PCDHGB1: variants seen among roughly 807,000 people sequenced by gnomAD.
PCDHGB1 encodes protocadherin gamma-B1.
A neutral mutation model predicts 56.6 loss-of-function variants in PCDHGB1; 34 were observed. That is an observed-to-expected ratio of 0.60 (90% CI 0.46 to 0.80). PCDHGB1 has a LOEUF of 0.80. PCDHGB1 is among the 30% of genes least tolerant of loss of function. PCDHGB1 has a pLI of 0.00. For synonymous variants in PCDHGB1, 561 were observed against 505.9 expected, an observed-to-expected ratio of 1.11 and a Z score of -1.46; for missense variants, 1,278 against 1,204.6, an observed-to-expected ratio of 1.06 and a Z score of -0.90.
At position 141,486,182 on chromosome 5, in the gene PCDHGB1, C is replaced by G. The variant is rs1288782056; in HGVS notation, c.2410-8625C>G. On this transcript the variant is annotated intron_variant, in intron 1 of 3. Transcript: ENST00000523390. This position sits in a 1 kb window ranked among gnomAD's most constrained non-coding sequence, Gnocchi z 5.0. ...AGCCATGGAGCAACATTGCAGCCTT[C>G]GAGTGGATCTGCTGGACGTAAATGA... 1 of 1,614,198 alleles carries G rather than the reference C, an allele frequency of 6.2e-7. No individual in the cohort carries two copies. Among genetic ancestry groups the G allele is most frequent in the Non-Finnish European group, 8.5e-7 (1 of 1,180,028 alleles).
In PCDHGB1 at chr5:141,488,435, C is replaced by T. The variant is rs111661764; in HGVS notation, c.2410-6372C>T. Among the ~76,000 whole-genome samples, 87 of 152,276 alleles carry T rather than the reference C, an allele frequency of 5.7e-4. 1 individual carries two copies. The highest frequency in any genetic ancestry group is 1.6e-3 in the African/African-American group (67 of 41,546). On this transcript the variant is annotated intron_variant, in intron 1 of 3. Transcript: ENST00000523390. ...AAGCCATCCATGCTTGGCCTCTGAC[C>T]ACCCTCCTGGGTGACCTGATTCAGC...
At position 141,477,754 on chromosome 5, in the gene PCDHGB1, C is replaced by T. The variant is rs1325020341; in HGVS notation, c.2410-17053C>T. The T allele has an allele frequency of 3.7e-6, 6 of 1,613,928 alleles. No homozygotes were observed. Among genetic ancestry groups the T allele is most frequent in the Non-Finnish European group, 5.1e-6 (6 of 1,180,046 alleles). On this transcript the variant is annotated intron_variant, in intron 1 of 3. Coordinates refer to ENST00000523390, the MANE Select transcript of PCDHGB1 (RefSeq NM_018922.3). The surrounding 1 kb of genome is among the most constrained non-coding windows in gnomAD (Gnocchi z 4.9). Reference sequence around the variant, plus strand: ...ATATCAGCGATGGGGGCACCCCGGTCCTAGCCACCAACATCAGCGTGAACA... The same window carrying T: ...ATATCAGCGATGGGGGCACCCCGGTTCTAGCCACCAACATCAGCGTGAACA...
chr5:141,388,843 G>C (rs750672396), intron 1 of PCDHGB1: 1 of 1,614,002 alleles, frequency 6.2e-7, no homozygotes, highest in Admixed American at 1.7e-5. Flanking sequence ...TTGGAAGCAA[G>C]GGACGGTGGA....
intron 1 of PCDHGB1, among the ~76,000 whole-genome samples, chr5:141,444,942 A>C (rs1272061494): frequency 6.6e-6 from 1 of 152,082 alleles, no homozygotes; most frequent in Non-Finnish European, 1.5e-5. Flanking sequence ...AGGAGGGAGG[A>C]GGATCATCTT....
chr5:141,438,619 TATATATATATATATATACAC>T (rs1310378007), intron 1 of PCDHGB1, among the ~76,000 whole-genome samples: 16 of 39,678 alleles, frequency 4.0e-4, no homozygotes, highest in African/African-American at 1.2e-3. Flanking sequence ...TATATATATA[TATATATATATATATATACAC>T]ACACACACAC....
intron 1 of PCDHGB1, among the ~76,000 whole-genome samples, chr5:141,357,904 T>C (rs1760761041): frequency 6.6e-6 from 1 of 152,222 alleles, no homozygotes; most frequent in Non-Finnish European, 1.5e-5. Flanking sequence ...AATTTCCTTT[T>C]CTGTGCTGGG....
At position 141,487,329 on chromosome 5, in the gene PCDHGB1, C is replaced by T; in HGVS notation, c.2410-7478C>T. On this transcript the variant is annotated intron_variant, in intron 1 of 3. Coordinates refer to ENST00000523390, the MANE Select transcript of PCDHGB1 (RefSeq NM_018922.3). This position sits in a 1 kb window ranked among gnomAD's most constrained non-coding sequence, Gnocchi z 5.0. Reference sequence around the variant, plus strand: ...CTACTCTCTAAGTGTCTTCGTGGGGCAGCCTGTGGAGTCACATGCTTTCCT... The same window carrying T: ...CTACTCTCTAAGTGTCTTCGTGGGGTAGCCTGTGGAGTCACATGCTTTCCT... 1 of 1,614,170 alleles carries T rather than the reference C, an allele frequency of 6.2e-7. No homozygotes were observed. The highest frequency in any genetic ancestry group is 1.1e-5 in the South Asian group (1 of 91,070).
chr5:141,394,529 C>T, intron 1 of PCDHGB1: 2 of 1,614,216 alleles, frequency 1.2e-6, no homozygotes, highest in Non-Finnish European at 8.5e-7. Flanking sequence ...CAGACGGTTC[C>T]ACTGGCGTGG....
chr5:141,433,365 A>ATCTG, intron 1 of PCDHGB1: 1 of 523,830 alleles, frequency 1.9e-6, no homozygotes, highest in East Asian at 3.1e-5. Context: ...CTGCCTATCT[A>ATCTG]TCTATCTATC....
rs1451071413 is a variant in PCDHGB1, at chr5:141,415,742, T to G, written c.2409+63073T>G. 19 of 216,608 alleles carry G rather than the reference T, an allele frequency of 8.8e-5. 1 individual carries two copies. In the Admixed American group the frequency reaches 4.5e-3, roughly 51 times the overall value. 13.4% of individuals were successfully genotyped at this position (216,608 alleles called of 1,614,324 possible). ...AGTAGAATTTGATGTTTATTAAGGT[T>G]TTTTTTTTTTTTTTTTTTTTTTTTT... On this transcript the variant is annotated intron_variant, in intron 1 of 3. Transcript: ENST00000523390.
Position 141,414,286 on chromosome 5 carries a change from G to A in PCDHGB1, c.2409+61617G>A, listed in dbSNP as rs2095728607. ...AGATTCACCTCTGGGAACAGTCGTA[G>A]CCCTTTTAAATGTGCATGATTTAGA... On this transcript the variant is annotated intron_variant, in intron 1 of 3. Coordinates refer to ENST00000523390, the MANE Select transcript of PCDHGB1 (RefSeq NM_018922.3). 1.9e-6 allele frequency: 3 copies of A among 1,613,586 alleles called. No individual in the cohort carries two copies. The highest frequency in any genetic ancestry group is 2.5e-6 in the Non-Finnish European group (3 of 1,179,770).
chr5:141,386,595 A>C (rs77368271), intron 1 of PCDHGB1, among the ~76,000 whole-genome samples: 1 of 146,110 alleles, frequency 6.8e-6, no homozygotes, highest in African/African-American at 2.5e-5. Context: ...TGGGGGATAC[A>C]TTTTTTTTTT....
chr5:141,496,160 G>C (rs1428576442), intron 2 of PCDHGB1, among the ~76,000 whole-genome samples: 2 of 151,600 alleles, frequency 1.3e-5, no homozygotes, highest in Admixed American at 6.6e-5. Flanking sequence ...CTCTCCACCA[G>C]ACACCCTCCC....
intron 1 of PCDHGB1, chr5:141,394,966 GC>G (rs1294759609): frequency 1.2e-6 from 2 of 1,613,886 alleles, no homozygotes; most frequent in Non-Finnish European, 1.7e-6. Context: ...AGGCTGAGGC[GC>G]TGGCACAAGT....
intron 1 of PCDHGB1, chr5:141,371,516 A>G: frequency 6.2e-7 from 1 of 1,613,882 alleles, no homozygotes. Flanking sequence ...CACATGATCT[A>G]GATTCTGGAT....
chr5:141,438,681 G>T (rs2098050580), intron 1 of PCDHGB1, among the ~76,000 whole-genome samples: 1 of 142,154 alleles, frequency 7.0e-6, no homozygotes, highest in South Asian at 2.3e-4. Context: ...TGGAGTAGGG[G>T]ATGGAGTCTT....
intron 1 of PCDHGB1, chr5:141,478,808 T>A: frequency 3.4e-6 from 5 of 1,459,124 alleles, no homozygotes; most frequent in Non-Finnish European, 4.5e-6. Context: ...TCTTTTGCTA[T>A]CACAACTAAC....
intron 1 of PCDHGB1, chr5:141,388,401 A>C: frequency 6.2e-7 from 1 of 1,614,026 alleles, no homozygotes; most frequent in East Asian, 2.2e-5. Context: ...TTACCAACTC[A>C]GTCCCAGTGA....
chr5:141,355,399 G>C lies in PCDHGB1; in HGVS notation c.2409+2730G>C, dbSNP rs997655527. 1.9e-6 allele frequency: 3 copies of C among 1,613,968 alleles called. No individual in the cohort carries two copies. In the African/African-American group the frequency reaches 4.0e-5, roughly 22 times the overall value. On this transcript the variant is annotated intron_variant, in intron 1 of 3. Transcript: ENST00000523390. ...GCTGGCGGAGCGCGGAGTCCGCATC[G>C]TCTCCAGAGGTAGGACGCAGCTTTT... is the stretch of plus-strand genomic sequence containing the variant.
Sources: gnomAD v4.1 joint callset for allele counts (sites outside exome capture counted in the v4.1 genomes callset) on GRCh38, gnomAD v4.1.1 for gene constraint, Gnocchi (gnomAD v3.1) non-coding constraint, MANE v1.5 for transcripts, NCBI Gene and HGNC (gene_info 2026-07-23, HGNC 2026-07-21) for gene names.